The following ZNF138 variants were observed in gnomAD, a reference collection of about 807,000 sequenced individuals.
The protein encoded by ZNF138 is zinc finger protein 138 (clone pHZ-32).
ZNF138 carries 33 observed loss-of-function variants against 33.0 expected under a neutral mutation model. The ratio of observed to expected loss-of-function variants is 1.00; its 90% CI spans 0.76 to 1.34. The LOEUF is 1.34. ZNF138 is among the 40% of genes most tolerant of loss of function. ZNF138 has a pLI of 0.00. For missense variants in ZNF138, 360 were observed against 370.8 expected (o/e 0.97, Z 0.24); for synonymous variants, 139 against 120.4 (o/e 1.15, Z -1.01).
intron 3 of ZNF138, among the ~76,000 whole-genome samples, chr7:64,824,452 G>A (rs1789410767): frequency 6.6e-6 from 1 of 152,124 alleles, no homozygotes; most frequent in Non-Finnish European, 1.5e-5. Context: ...GGGTATTCCT[G>A]TGTATGCAAA....
At chr7:64,800,421 C>T (rs894035538) in intron 1 of ZNF138, among the ~76,000 whole-genome samples, 8 of 152,134 alleles carry the variant, frequency 5.3e-5, no homozygotes, top group African/African-American at 1.9e-4. Flanking sequence ...TTTTTGAAAG[C>T]TCCTGCATCT....
the ZNF138 span, among the ~76,000 whole-genome samples, chr7:64,839,958 C>T: frequency 1.3e-5 from 2 of 151,408 alleles, no homozygotes; most frequent in Non-Finnish European, 2.9e-5. Context: ...AAAGGTGCAG[C>T]GCACTTTTAT....
At chr7:64,811,367 CAG>C (rs1788164879) in intron 1 of ZNF138, among the ~76,000 whole-genome samples, 1 of 152,128 alleles carries the variant, frequency 6.6e-6, no homozygotes, top group African/African-American at 2.4e-5. Flanking sequence ...TTTCTTGAGA[CAG>C]AGTGTTGCTG....
At chr7:64,849,361 A>C in the ZNF138 span, among the ~76,000 whole-genome samples, 1 of 151,784 alleles carries the variant, frequency 6.6e-6, no homozygotes, top group South Asian at 2.1e-4. Flanking sequence ...GATGAATTGG[A>C]CTCTGTTAAG....
chr7:64,832,810 A>G lies in ZNF138; in HGVS notation c.*608A>G. The G allele has an allele frequency of 2.2e-6, 1 of 445,912 alleles. No individual in the cohort carries two copies. Among genetic ancestry groups the G allele is most frequent in the Admixed American group, 2.7e-5 (1 of 37,352 alleles). 27.6% of individuals were successfully genotyped at this position (445,912 alleles called of 1,614,324 possible). On this transcript the variant is annotated 3_prime_UTR_variant, in exon 4 of 4. Coordinates refer to ENST00000307355, the MANE Select transcript of ZNF138 (RefSeq NM_001271639.2). Reference sequence around the variant, plus strand: ...CTCTCAAACCTTACTAAACACAAGAAGATTCATACTAGAGAGAAACCCTAC... The same window carrying G: ...CTCTCAAACCTTACTAAACACAAGAGGATTCATACTAGAGAGAAACCCTAC...
chr7:64,811,780 T>C (rs886815218), intron 1 of ZNF138, among the ~76,000 whole-genome samples: 1 of 152,248 alleles, frequency 6.6e-6, no homozygotes, highest in Admixed American at 6.5e-5. Flanking sequence ...CTGTGTCTGC[T>C]TTCTCTAACT....
intron 3 of ZNF138, 72 bp from the exon 4 acceptor site, chr7:64,831,379 A>G (rs1790064154): frequency 7.6e-7 from 1 of 1,309,564 alleles, no homozygotes; most frequent in East Asian, 2.3e-5. Flanking sequence ...ATGATTTTAT[A>G]GGTTAGATTT....
chr7:64,826,821 TG>T (rs1469494928), intron 3 of ZNF138, among the ~76,000 whole-genome samples: 1 of 152,030 alleles, frequency 6.6e-6, no homozygotes, highest in Non-Finnish European at 1.5e-5. Flanking sequence ...AGCTAATTTT[TG>T]TATTTTTAGT....
At chr7:64,831,190 A>G in intron 3 of ZNF138, 1 of 1,395,802 alleles carries the variant, frequency 7.2e-7, no homozygotes, top group Admixed American at 2.3e-5. Flanking sequence ...GGTAAATGTA[A>G]CAGACTTTTC....
intron 1 of ZNF138, among the ~76,000 whole-genome samples, chr7:64,797,610 C>T (rs1372634986): frequency 2.0e-5 from 3 of 152,086 alleles, no homozygotes; most frequent in Non-Finnish European, 2.9e-5. Context: ...AACCTTTATA[C>T]TGAGAGAAGC....
chr7:64,837,378 G>A (rs182852938), downstream of ZNF138, among the ~76,000 whole-genome samples: 7 of 152,086 alleles, frequency 4.6e-5, no homozygotes, highest in African/African-American at 9.7e-5. Context: ...TGGGCTGAGC[G>A]GTCCGGGCTT....
chr7:64,859,984 A>G, the ZNF138 span, among the ~76,000 whole-genome samples: 1 of 152,180 alleles, frequency 6.6e-6, no homozygotes, highest in Non-Finnish European at 1.5e-5. Flanking sequence ...TAAAAATACA[A>G]AAATTAGCCA....
chr7:64,852,474 T>A, the ZNF138 span: 1 of 1,583,864 alleles, frequency 6.3e-7, no homozygotes. Context: ...GGTTTGTCTA[T>A]GATTCTGGCT....
At chr7:64,853,791 A>G in the ZNF138 span, among the ~76,000 whole-genome samples, 21 of 152,040 alleles carry the variant, frequency 1.4e-4, no homozygotes, top group Admixed American at 1.4e-3. Flanking sequence ...TTCTCACAGT[A>G]ACTGAATAAC....
rs1006444050 is a variant in ZNF138 at position 64,819,882 on chromosome 7, G to T, written c.208+4229G>T. On this transcript the variant is annotated intron_variant, in intron 3 of 3. Transcript: ENST00000307355. ...GAGCATGAAAGTTTGAGACCAGCCC[G>T]GGAAACATGGAGATTCAACTACAAA... Among the ~76,000 whole-genome samples, 3 of 151,012 alleles carry T rather than the reference G, an allele frequency of 2.0e-5. No homozygotes were observed. The East Asian group carries it at 5.8e-4, about 29-fold the overall frequency.
chr7:64,840,489 C>T, the ZNF138 span, among the ~76,000 whole-genome samples: 1 of 151,784 alleles, frequency 6.6e-6, no homozygotes, highest in Admixed American at 6.6e-5. Flanking sequence ...CATTATATGG[C>T]ATTTTTTGAT....
chr7:64,803,246 G>A (rs1787293675), intron 1 of ZNF138, among the ~76,000 whole-genome samples: 1 of 129,470 alleles, frequency 7.7e-6, no homozygotes, highest in Admixed American at 7.8e-5. Context: ...CTTTGTTTTT[G>A]CTTTGGCAAA....
intron 1 of ZNF138, among the ~76,000 whole-genome samples, chr7:64,808,560 C>G (rs1362732370): frequency 1.3e-5 from 2 of 149,352 alleles, no homozygotes; most frequent in African/African-American, 2.5e-5. Context: ...ATGGACACAA[C>G]AGTTGCTATT....
At chr7:64,842,950 A>ATTTTTTGATCAACATCTT in the ZNF138 span, among the ~76,000 whole-genome samples, 9 of 152,156 alleles carry the variant, frequency 5.9e-5, no homozygotes, top group Non-Finnish European at 1.0e-4. Context: ...ATAATTATGT[A>ATTTTTTGATCAACATCTT]TTTTTTGATC....
Sources: gnomAD v4.1 joint callset for allele counts (sites outside exome capture counted in the v4.1 genomes callset) on GRCh38, gnomAD v4.1.1 for gene constraint, MANE v1.5 for transcripts, NCBI Gene and HGNC (gene_info 2026-07-23, HGNC 2026-07-21) for gene names.